The following KLF8 variants were observed in gnomAD, a reference collection of about 807,000 sequenced individuals.
The protein encoded by KLF8 is KLF transcription factor 8.
In KLF8, 10 loss-of-function variants were observed where a neutral mutation model predicts 18.2. The observed-to-expected ratio is 0.55, with a 90% CI of 0.34 to 0.93. The LOEUF is 0.93. KLF8 is among the 40% of genes least tolerant of loss of function. The probability of loss-of-function intolerance (pLI) is 0.02; values close to 1 mark genes in which losing one functional copy is unlikely to be tolerated. For synonymous variants in KLF8, 109 were observed against 97.3 expected (o/e 1.12, Z -0.71); for missense variants, 264 against 277.9 (o/e 0.95, Z 0.36).
At chrX:56,185,217 C>T in the KLF8 span, among the ~76,000 whole-genome samples, 1 of 111,730 alleles carries the variant, frequency 9.0e-6, no homozygotes, top group Admixed American at 9.5e-5. Context: ...TGGAGAACTA[C>T]GTGAAGAATG....
chrX:56,161,026 A>G, the KLF8 span, among the ~76,000 whole-genome samples: 2 of 111,259 alleles, frequency 1.8e-5, no homozygotes, highest in Non-Finnish European at 1.9e-5. Context: ...AGTGGCTGGT[A>G]CCGGTTGTTC....
At chrX:56,045,727 A>G in the KLF8 span, among the ~76,000 whole-genome samples, 4 of 111,777 alleles carry the variant, frequency 3.6e-5, no homozygotes, top group Non-Finnish European at 5.6e-5. Flanking sequence ...AGTGTATAGC[A>G]GAGCTACTGA....
the KLF8 span, among the ~76,000 whole-genome samples, chrX:55,936,550 A>G: frequency 8.9e-6 from 1 of 112,793 alleles, no homozygotes; most frequent in Non-Finnish European, 1.9e-5. Flanking sequence ...GGTGCAGTGC[A>G]CCGTGTGTGA....
chrX:56,142,030 C>G, the KLF8 span, among the ~76,000 whole-genome samples: 1 of 111,874 alleles, frequency 8.9e-6, no homozygotes, highest in Non-Finnish European at 1.9e-5. Flanking sequence ...CTAGAGTATC[C>G]CATCTTTTCT....
chrX:55,960,001 G>T, the KLF8 span, among the ~76,000 whole-genome samples: 18 of 111,555 alleles, frequency 1.6e-4, no homozygotes, highest in South Asian at 3.7e-4. Context: ...GAAAGAAGGG[G>T]CAGGTCATGT....
At chrX:56,060,045 A>T in the KLF8 span, among the ~76,000 whole-genome samples, 18 of 111,186 alleles carry the variant, frequency 1.6e-4, no homozygotes, top group Admixed American at 1.7e-3. Flanking sequence ...GTGAGACCTG[A>T]GATTTTCCTG....
At chrX:56,180,431 T>A in the KLF8 span, among the ~76,000 whole-genome samples, 1 of 111,624 alleles carries the variant, frequency 9.0e-6, no homozygotes, top group Admixed American at 9.6e-5. Context: ...TTCGTTTATT[T>A]TTTTCAGCGT....
At chrX:56,051,633 G>T in the KLF8 span, among the ~76,000 whole-genome samples, 1 of 111,409 alleles carries the variant, frequency 9.0e-6, no homozygotes, top group Non-Finnish European at 1.9e-5. Flanking sequence ...TCTGTTGAGA[G>T]ATCCGCTGTT....
At chrX:56,213,221 T>C in the KLF8 span, among the ~76,000 whole-genome samples, 1 of 109,507 alleles carries the variant, frequency 9.1e-6, no homozygotes, top group African/African-American at 3.3e-5. Context: ...CATTACTAGT[T>C]GTGTGACTTT....
At chrX:56,268,964 T>C in intron 3 of KLF8, 2 of 938,999 alleles carry the variant, frequency 2.1e-6, no homozygotes, top group Non-Finnish European at 2.7e-6. Context: ...TCCTAGAATT[T>C]GATTTTAGGA....
intron 5 of KLF8, among the ~76,000 whole-genome samples, chrX:56,273,035 A>G (rs1311119560): frequency 8.9e-6 from 1 of 111,769 alleles, no homozygotes; most frequent in Non-Finnish European, 1.9e-5. Context: ...AAATATCTGT[A>G]TAAGAAAACC....
At chrX:56,155,951 C>A in the KLF8 span, among the ~76,000 whole-genome samples, 1 of 111,801 alleles carries the variant, frequency 8.9e-6, no homozygotes, top group Non-Finnish European at 1.9e-5. Context: ...AAGATTATGG[C>A]CTCCAGCTCC....
the KLF8 span, among the ~76,000 whole-genome samples, chrX:56,105,534 CT>C: frequency 5.1e-3 from 520 of 102,926 alleles, no homozygotes; most frequent in East Asian, 0.013. Flanking sequence ...GCAACCCCTG[CT>C]TTTTTTTTTT....
chrX:56,233,158 C>T lies in KLF8; in HGVS notation c.-177C>T. 1.9e-6 allele frequency: 1 copy of T among 526,202 alleles called. No homozygotes were observed. The highest frequency in any genetic ancestry group is 3.1e-5 in the South Asian group (1 of 32,264). 43.4% of individuals were successfully genotyped at this position (526,202 alleles called of 1,213,427 possible). On this transcript the variant is annotated 5_prime_UTR_variant, in exon 1 of 6. Coordinates refer to ENST00000468660, the MANE Select transcript of KLF8 (RefSeq NM_007250.5). ...TTTCGACCCCCTCCTCATTTTCCAG[C>T]CCGGAGAAATAGGGGAGTGGGGGCC...
chrX:55,961,548 T>G, the KLF8 span: 3 of 537,699 alleles, frequency 5.6e-6, no homozygotes, highest in Non-Finnish European at 3.5e-6. Flanking sequence ...TAGCCCTGGG[T>G]GAGAATAGTG....
At chrX:56,002,409 T>TTGTG in the KLF8 span, among the ~76,000 whole-genome samples, 1 of 69,171 alleles carries the variant, frequency 1.4e-5, no homozygotes, top group African/African-American at 5.5e-5. Context: ...ATTAATCAAT[T>TTGTG]TGTGTGTATG....
chrX:55,958,808 A>C, the KLF8 span, among the ~76,000 whole-genome samples: 1 of 112,689 alleles, frequency 8.9e-6, no homozygotes, highest in Non-Finnish European at 1.9e-5. Flanking sequence ...AATTAAATAC[A>C]TTCATAGAAG....
the KLF8 span, among the ~76,000 whole-genome samples, chrX:56,144,788 G>GTGTTTGTT: frequency 4.6e-3 from 445 of 97,107 alleles, 5 homozygotes; most frequent in African/African-American, 0.014. Context: ...AAAGAAGTTG[G>GTGTTTGTT]TGTTTGTTTG....
chrX:56,130,415 G>T, the KLF8 span, among the ~76,000 whole-genome samples: 1 of 111,678 alleles, frequency 9.0e-6, no homozygotes, highest in Non-Finnish European at 1.9e-5. Flanking sequence ...ATTCATTACA[G>T]TTTGGCTCTC....
Sources: allele counts gnomAD v4.1 joint callset (sites outside exome capture counted in the v4.1 genomes callset), GRCh38; gene constraint gnomAD v4.1.1; transcripts MANE v1.5; gene names NCBI Gene and HGNC (gene_info 2026-07-23, HGNC 2026-07-21).